The following NEU3 variants were observed in gnomAD, a reference collection of about 807,000 sequenced individuals.
The protein encoded by NEU3 is neuraminidase 3, also known as sialidase-3.
A neutral mutation model predicts 11.4 loss-of-function variants in NEU3; 10 were observed. The ratio of observed to expected loss-of-function variants is 0.88; its 90% confidence interval spans 0.54 to 1.49. NEU3 has a LOEUF of 1.49. NEU3 is among the 40% of genes most tolerant of loss of function. The pLI is 0.00. For missense variants in NEU3, 529 were observed against 581.8 expected, an observed-to-expected ratio of 0.91 and a Z score of 0.93; for synonymous variants, 212 against 228.2, an observed-to-expected ratio of 0.93 and a Z score of 0.64.
chr11:74,997,950 A>G (rs1277993191), intron 2 of NEU3, among the ~76,000 whole-genome samples: 4 of 152,114 alleles, frequency 2.6e-5, no homozygotes, highest in Non-Finnish European at 4.4e-5. Flanking sequence ...GGCTTTCAAC[A>G]TGCCTTCCTC....
At chr11:74,995,227 CA>C (rs1329013933) in intron 2 of NEU3, among the ~76,000 whole-genome samples, 4 of 152,158 alleles carry the variant, frequency 2.6e-5, no homozygotes, top group African/African-American at 9.7e-5. Context: ...TAGCAGGTGA[CA>C]GGGGGATACC....
upstream of NEU3, among the ~76,000 whole-genome samples, chr11:74,987,705 C>A (rs1007046768): frequency 6.6e-6 from 1 of 151,718 alleles, no homozygotes; most frequent in African/African-American, 2.4e-5. Flanking sequence ...CCCAGCTACT[C>A]GGGAGGCTGA....
upstream of NEU3, among the ~76,000 whole-genome samples, chr11:74,984,084 A>G (rs1327463853): frequency 6.6e-6 from 1 of 152,214 alleles, no homozygotes; most frequent in Non-Finnish European, 1.5e-5. Flanking sequence ...AATTAGAGTG[A>G]CAGGTGGAGT....
the NEU3 span, among the ~76,000 whole-genome samples, chr11:74,981,757 A>G: frequency 6.6e-6 from 1 of 152,214 alleles, no homozygotes; most frequent in Non-Finnish European, 1.5e-5. Flanking sequence ...ATCCTGACCA[A>G]CATGGTTTTC....
chr11:75,011,160 AGAG>A (rs1288035176), downstream of NEU3, among the ~76,000 whole-genome samples: 2 of 152,190 alleles, frequency 1.3e-5, no homozygotes, highest in African/African-American at 4.8e-5. Flanking sequence ...CTAGCTTTTA[AGAG>A]GAGGAGCCAG....
chr11:74,998,773 C>G (rs1398793779), intron 2 of NEU3, among the ~76,000 whole-genome samples: 1 of 152,170 alleles, frequency 6.6e-6, no homozygotes, highest in African/African-American at 2.4e-5. Flanking sequence ...TTTTCAGTTC[C>G]TGCTCTTTCA....
At chr11:74,995,470 C>T (rs964264015) in intron 2 of NEU3, among the ~76,000 whole-genome samples, 2 of 152,138 alleles carry the variant, frequency 1.3e-5, no homozygotes, top group Non-Finnish European at 2.9e-5. Flanking sequence ...AGGGTTATTT[C>T]AGATCCCAAA....
intron 2 of NEU3, among the ~76,000 whole-genome samples, chr11:74,995,896 G>A (rs991254146): frequency 6.6e-6 from 1 of 152,026 alleles, no homozygotes; most frequent in African/African-American, 2.4e-5. Flanking sequence ...GCTCATGCCT[G>A]TAATCCCAGA....
At chr11:74,995,111 A>G (rs1005607313) in intron 2 of NEU3, 3 of 497,290 alleles carry the variant, frequency 6.0e-6, no homozygotes, top group South Asian at 4.0e-5. Context: ...TTTATATTCC[A>G]TTTAATCCTC....
Position 75,006,454 on chromosome 11 carries a change from A to C in NEU3, c.1348A>C (p.Ser450Arg). The C allele has an allele frequency of 6.2e-7, 1 of 1,613,628 alleles. No homozygotes were observed. The highest frequency in any genetic ancestry group is 1.1e-5 in the South Asian group (1 of 91,050). Residue 450 changes from serine to arginine, a missense_variant, in exon 3 of 3, where the codon AGC (serine) becomes CGC (arginine). Physicochemically the swap from Ser to Arg is moderately radical, Grantham distance 110. Coordinates refer to ENST00000294064, the MANE Select transcript of NEU3 (RefSeq NM_006656.6). The stretch of plus-strand genomic sequence containing the variant: ...GAGTCACCTGCAGGGGGACTGCACC[A>C]GCCCTGGTAGGAACCCAAGCCAATT... ...ILSHLQGDCT[S>R]PGRNPSQFKS...
chr11:75,012,515 C>T (rs140722619), downstream of NEU3, among the ~76,000 whole-genome samples: 1,460 of 152,298 alleles, frequency 9.6e-3, 14 homozygotes, highest in Middle Eastern at 0.031. Context: ...GGATCTAGAT[C>T]GACTGACAGA....
chr11:74,987,372 T>C (rs1048487745), upstream of NEU3, among the ~76,000 whole-genome samples: 1 of 152,224 alleles, frequency 6.6e-6, no homozygotes, highest in Non-Finnish European at 1.5e-5. Flanking sequence ...TCTTACCTTC[T>C]TTTGACATGA....
At chr11:75,001,274 C>CTTTTTTTTTTCTTTTTTT (rs1267620621) in intron 2 of NEU3, among the ~76,000 whole-genome samples, 2 of 139,436 alleles carry the variant, frequency 1.4e-5, no homozygotes, top group African/African-American at 2.6e-5. Context: ...TTTTCTTTTT[C>CTTTTTTTTTTCTTTTTTT]TTTTTTTTTT....
In NEU3 at chr11:75,006,527, G is replaced by A; in HGVS notation, c.*35G>A. The A allele has an allele frequency of 6.4e-7, 1 of 1,571,674 alleles. No homozygotes were observed. Among genetic ancestry groups the A allele is most frequent in the Non-Finnish European group, 8.6e-7 (1 of 1,159,532 alleles). ...GACCCAATTTCCATAGATGCAAATG[G>A]CAGTTACAGACAGGTTAACAGAAGC... On this transcript the variant is annotated 3_prime_UTR_variant, in exon 3 of 3. Coordinates refer to ENST00000294064, the MANE Select transcript of NEU3 (RefSeq NM_006656.6).
downstream of NEU3, among the ~76,000 whole-genome samples, chr11:75,015,786 G>C (rs533885385): frequency 6.6e-6 from 1 of 152,166 alleles, no homozygotes; most frequent in Non-Finnish European, 1.5e-5. Context: ...TGTCCAACTT[G>C]TGTCCCTAGT....
At chr11:74,985,197 G>A (rs1291931872), upstream of NEU3, among the ~76,000 whole-genome samples, 2 of 152,032 alleles carry the variant, frequency 1.3e-5, no homozygotes. Context: ...GACATGACCC[G>A]GTTTTTATAA....
At chr11:75,020,605 C>A (rs1948999463), downstream of NEU3, among the ~76,000 whole-genome samples, 1 of 152,228 alleles carries the variant, frequency 6.6e-6, no homozygotes, top group Non-Finnish European at 1.5e-5. Flanking sequence ...TCCTCCTTGT[C>A]TTCCACCATT....
At chr11:74,984,779 C>T (rs946862871), upstream of NEU3, among the ~76,000 whole-genome samples, 8 of 152,172 alleles carry the variant, frequency 5.3e-5, no homozygotes, top group Non-Finnish European at 1.2e-4. Context: ...GAGTGTCAGA[C>T]ACTTAGACAA....
chr11:75,020,324 A>G (rs901389419), downstream of NEU3, among the ~76,000 whole-genome samples: 1 of 152,116 alleles, frequency 6.6e-6, no homozygotes, highest in African/African-American at 2.4e-5. Context: ...GGAAGGCATG[A>G]TTGGTTTTGA....
Sources: gnomAD v4.1 joint callset for allele counts (sites outside exome capture counted in the v4.1 genomes callset) on GRCh38, gnomAD v4.1.1 for gene constraint, MANE v1.5 for transcripts, NCBI Gene and HGNC (gene_info 2026-07-23, HGNC 2026-07-21) for gene names.